Variants in PLXND1 observed in about 807,000 individuals in gnomAD.
PLXND1 encodes plexin-D1.
PLXND1 carries 54 observed loss-of-function variants against 197.7 expected under a neutral mutation model. The observed-to-expected ratio is 0.27, with a 90% CI of 0.22 to 0.34. PLXND1 has a LOEUF of 0.34. PLXND1 is among the 10% of genes least tolerant of loss of function. The pLI is 1.00. For missense variants in PLXND1, 2,127 were observed against 2,699.2 expected (o/e 0.79, Z 4.70); for synonymous variants, 1,180 against 1,161.2 (o/e 1.02, Z -0.33).
At chr3:129,599,634 CAACTAG>C (rs1484481489) in intron 1 of PLXND1, among the ~76,000 whole-genome samples, 1 of 152,238 alleles carries the variant, frequency 6.6e-6, no homozygotes, top group African/African-American at 2.4e-5. Context: ...CAGACAAATG[CAACTAG>C]AAGTTCCTTG....
At chr3:129,573,884 G>A (rs2085273328) in intron 12 of PLXND1, 139 bp from the exon 13 acceptor site, 2 of 956,980 alleles carry the variant, frequency 2.1e-6, no homozygotes, top group Non-Finnish European at 3.1e-6. Flanking sequence ...CTCAGGTGGG[G>A]CTGGGACTGT....
chr3:129,558,680 T>C lies in PLXND1; in HGVS notation c.5298-105A>G. ...GGCTTTGTCCCTCAAGGGCCTGAGG[T>C]TGGAGCCTTGTCACAAGATGTGACC... On this transcript the variant is annotated intron_variant, in intron 32 of 35. Transcript: ENST00000324093. This position sits in a 1 kb window ranked among gnomAD's most constrained non-coding sequence, Gnocchi z 4.1. 1 of 1,127,304 alleles carries C rather than the reference T, an allele frequency of 8.9e-7. No individual in the cohort carries two copies. The highest frequency in any genetic ancestry group is 1.5e-5 in the African/African-American group (1 of 64,992). The allele number at this position is 1,127,304 out of a possible 1,614,324, so 69.8% of individuals were successfully genotyped here.
In PLXND1 at chr3:129,566,611, C is replaced by T. The variant is rs2085145020; in HGVS notation, c.4107G>A (p.Glu1369=). ...FFPKCSSLYE[E]RYVLPSQTLN... ...GGGTCTGGGAGGGCAGCACGTAACGCTCTTCATAAAGGGAGGAACACTGCA... is the reference window on the plus strand; with the variant it reads ...GGGTCTGGGAGGGCAGCACGTAACGTTCTTCATAAAGGGAGGAACACTGCA... The change falls in exon 23 of 36, where the codon GAG becomes GAA. Residue 1369 remains glutamate (E), a synonymous_variant. Transcript: ENST00000324093. The T allele has an allele frequency of 6.2e-7, 1 of 1,608,826 alleles. No individual in the cohort carries two copies.
Position 129,558,563 on chromosome 3 carries a change from C to T in PLXND1, c.5310G>A (p.Arg1770=), listed in dbSNP as rs779360644. 12 of 1,613,792 alleles carry T rather than the reference C, an allele frequency of 7.4e-6. No individual in the cohort carries two copies. Among genetic ancestry groups the T allele is most frequent in the South Asian group, 5.5e-5 (5 of 91,078 alleles). ...GGTTCTTCAGGATGTTCACCCAGAA[C>T]CGGAGAGGAAGGCTGTGGGGTAGGG... ...HIWKTNSLPL[R]FWVNILKNPQ... Residue 1770 remains arginine (R), a synonymous_variant, in exon 33 of 36, where the codon CGG becomes CGA. Coordinates refer to ENST00000324093, the MANE Select transcript of PLXND1 (RefSeq NM_015103.3). The surrounding 1 kb of genome is among the most constrained non-coding windows in gnomAD (Gnocchi z 4.1).
At position 129,606,359 on chromosome 3, in the gene PLXND1, G is replaced by A. The variant is rs1269362763; in HGVS notation, c.281C>T (p.Ala94Val). 4 of 1,472,908 alleles carry A rather than the reference G, an allele frequency of 2.7e-6. No individual in the cohort carries two copies. The highest frequency in any genetic ancestry group is 5.4e-5 in the East Asian group (2 of 37,172). The allele number at this position is 1,472,908 out of a possible 1,614,324, so 91.2% of individuals were successfully genotyped here. The change falls in exon 1 of 36, where the codon GCC becomes GTC. Residue 94 changes from alanine to valine, a missense_variant. Ala to Val is a moderately conservative substitution (Grantham distance 64). This residue lies in a region of PLXND1 where 245 missense variants were observed against 267.1 expected (regional missense o/e 0.92). Transcript: ENST00000324093. The stretch of plus-strand genomic sequence containing the variant: ...CGGGCTGTCGGGCACCGGGCCCACG[G>A]CCGCCTCGGCCTCCAGGCTCAGGTT... ...GANLSLEAEA[A>V]VGPVPDSPLC... is the part of the protein sequence containing the mutation.
rs977647302 is a variant in PLXND1, at chr3:129,558,410, G to A, written c.5445+18C>T. On this transcript the variant is annotated intron_variant, in intron 33 of 35. Transcript: ENST00000324093. This position sits in a 1 kb window ranked among gnomAD's most constrained non-coding sequence, Gnocchi z 4.1. The stretch of plus-strand genomic sequence containing the variant: ...TGGCCCTGTGCATGGGCCTGGCCTG[G>A]TCCTGGGAACAGCTGACCTTGCCCA... The A allele has an allele frequency of 6.2e-7, 1 of 1,611,586 alleles. No homozygotes were observed. Among genetic ancestry groups the A allele is most frequent in the Non-Finnish European group, 8.5e-7 (1 of 1,179,190 alleles).
At position 129,558,564 on chromosome 3, in the gene PLXND1, C is replaced by T; in HGVS notation, c.5309G>A (p.Arg1770Gln). 1.2e-6 allele frequency: 2 copies of T among 1,613,850 alleles called. No individual in the cohort carries two copies. The highest frequency in any genetic ancestry group is 1.7e-6 in the Non-Finnish European group (2 of 1,179,928). ...HIWKTNSLPL[R>Q]FWVNILKNPQ... The stretch of plus-strand genomic sequence containing the variant: ...GTTCTTCAGGATGTTCACCCAGAAC[C>T]GGAGAGGAAGGCTGTGGGGTAGGGT... Residue 1770 changes from arginine (R) to glutamine (Q), a missense_variant, in exon 33 of 36, where the codon CGG (arginine) becomes CAG (glutamine). Arg to Gln is a conservative substitution (Grantham distance 43, BLOSUM62 1). Coordinates refer to ENST00000324093, the MANE Select transcript of PLXND1 (RefSeq NM_015103.3). The surrounding 1 kb of genome is among the most constrained non-coding windows in gnomAD (Gnocchi z 4.1).
intron 1 of PLXND1, among the ~76,000 whole-genome samples, chr3:129,598,390 G>C (rs2085658389): frequency 6.6e-6 from 1 of 152,040 alleles, no homozygotes; most frequent in Non-Finnish European, 1.5e-5. Flanking sequence ...GTCTCTCTTG[G>C]GGGCTGTCCT....
chr3:129,586,864 G>A (rs2085469463), intron 2 of PLXND1, 145 bp from the exon 3 acceptor site: 10 of 920,130 alleles, frequency 1.1e-5, no homozygotes, highest in South Asian at 1.6e-5. Flanking sequence ...CGGGCGTGCA[G>A]GGGAGGGCAC....
At chr3:129,556,748 C>T (rs1401074955) in intron 34 of PLXND1, 57 bp from the exon 35 acceptor site, 1 of 1,258,472 alleles carries the variant, frequency 7.9e-7, no homozygotes, top group Non-Finnish European at 1.2e-6. Context: ...TGAGCCTAGT[C>T]CCAGCAAAGC....
chr3:129,567,572 G>C lies in PLXND1; in HGVS notation c.4006C>G (p.Leu1336Val), dbSNP rs760872411. 2 of 1,611,840 alleles carry C rather than the reference G, an allele frequency of 1.2e-6. No homozygotes were observed. The highest frequency in any genetic ancestry group is 1.1e-5 in the South Asian group (1 of 90,678). The change falls in exon 22 of 36, where the codon CTC becomes GTC. Residue 1336 changes from leucine (L) to valine (V), a missense_variant. Leu to Val is a conservative substitution (Grantham distance 32, BLOSUM62 1). Transcript: ENST00000324093. ...TGGCTGCGGTTCAGCTCCTTGGTGA[G>C]ATCTGTCATGTCTGTCTGCAGCTCA... Reference protein sequence around the residue: ...FAELQTDMTDLTKELNRSQGI... With the variant: ...FAELQTDMTDVTKELNRSQGI...
chr3:129,596,490 AG>A (rs1355810540), intron 1 of PLXND1, among the ~76,000 whole-genome samples: 1 of 151,896 alleles, frequency 6.6e-6, no homozygotes, highest in Non-Finnish European at 1.5e-5. Flanking sequence ...GTCCCAGAGG[AG>A]CACAGTGTGG....
rs765540434 is a variant in PLXND1, at chr3:129,586,682, C to T, written c.1526G>A (p.Arg509Gln). The T allele has an allele frequency of 1.8e-5, 29 of 1,594,492 alleles. No individual in the cohort carries two copies. In the South Asian group the frequency reaches 2.1e-4, roughly 11 times the overall value. ...CTCCCCATAGGCCACAGTCACCACC[C>T]GCCTGCTCACCACCTGCATGCTCTC... ...LNESMQVVSR[R>Q]VVTVAYGEPV... Residue 509 changes from arginine (R) to glutamine (Q), a missense_variant, in exon 3 of 36, where the codon CGG becomes CAG. Arg to Gln is a conservative substitution (Grantham distance 43). This residue lies in a region of PLXND1 where 1,095 missense variants were observed against 1,259.8 expected (regional missense o/e 0.87). Transcript: ENST00000324093.
At chr3:129,565,738 G>T in intron 24 of PLXND1, 149 bp downstream of exon 24, 1 of 933,304 alleles carries the variant, frequency 1.1e-6, no homozygotes, top group Non-Finnish European at 1.6e-6. Flanking sequence ...ATCGTGCCCC[G>T]TGAGCCAAGG....
At chr3:129,569,463 T>C (rs576101776) in intron 20 of PLXND1, 98 of 201,710 alleles carry the variant, frequency 4.9e-4, no homozygotes, top group African/African-American at 2.1e-3. Context: ...TCGAGTCTAT[T>C]ACTTTATTGA....
At position 129,555,494 on chromosome 3, in the gene PLXND1, G is replaced by T. The variant is rs1252269662; in HGVS notation, c.*818C>A. 1.5e-6 allele frequency: 1 copy of T among 679,568 alleles called. No homozygotes were observed. The highest frequency in any genetic ancestry group is 1.8e-5 in the African/African-American group (1 of 55,274). 42.1% of individuals were successfully genotyped at this position (679,568 alleles called of 1,614,324 possible). On this transcript the variant is annotated 3_prime_UTR_variant, in exon 36 of 36. Transcript: ENST00000324093. ...ACCCCTCCCCGGGTCCTCTGCGCAA[G>T]CGGCAGCTATTCACAGTTGGTGCAT...
rs369952557 is a variant in PLXND1 at position 129,556,624 on chromosome 3, C to T, written c.5654G>A (p.Arg1885Gln). 2.9e-5 allele frequency: 46 copies of T among 1,611,966 alleles called. No homozygotes were observed. Among genetic ancestry groups the T allele is most frequent in the South Asian group, 1.4e-4 (13 of 90,810 alleles). The change falls in exon 35 of 36, where the codon CGG becomes CAG. Residue 1885 changes from arginine to glutamine, a missense_variant. Around this residue, in one of 6 missense-constraint regions of PLXND1, gnomAD observed 200 missense variants for 303.3 expected, o/e 0.66. Coordinates refer to ENST00000324093, the MANE Select transcript of PLXND1 (RefSeq NM_015103.3). ...TCACCCTGGGGCACTCACCTGCGGC[C>T]GATACCTCTTGGCGTACTTATAAAT... ...AEIYKYAKRY[R>Q]PQIMAALEAN...
Position 129,578,199 on chromosome 3 carries a change from CCACACAGGTGCGAAAGCACTG to C in PLXND1, c.2346+109_2346+129del. The C allele has an allele frequency of 4.3e-6, 3 of 694,126 alleles. No individual in the cohort carries two copies. The East Asian group carries it at 8.1e-5, about 19-fold the overall frequency. The allele number at this position is 694,126 out of a possible 1,614,324, so 43.0% of individuals were successfully genotyped here. On this transcript the variant is annotated intron_variant, in intron 9 of 35. Coordinates refer to ENST00000324093, the MANE Select transcript of PLXND1 (RefSeq NM_015103.3). The stretch of plus-strand genomic sequence containing the variant: ...AAACTCAGAGAAAGAAAAGCAAAGC[CCACACAGGTGCGAAAGCACTG>C]CAGTGGGCCCAGAGCAGGGGTCACA...
Position 129,605,447 on chromosome 3 carries a change from G to A in PLXND1, c.1193C>T (p.Ala398Val). Residue 398 changes from alanine (A) to valine (V), a missense_variant, in exon 1 of 36, where the codon GCC becomes GTC. Physicochemically the swap from Ala to Val is moderately conservative, Grantham distance 64. Around this residue, in one of 6 missense-constraint regions of PLXND1, gnomAD observed 1,095 missense variants for 1,259.8 expected, o/e 0.87. Coordinates refer to ENST00000324093, the MANE Select transcript of PLXND1 (RefSeq NM_015103.3). ...LCAFRFADVR[A>V]AIRAARTACF... ...GGCGGTGCGCGCAGCTCGGATGGCG[G>A]CTCGCACGTCGGCGAAGCGGAAGGC... is the stretch of plus-strand genomic sequence containing the variant. The A allele has an allele frequency of 1.3e-6, 2 of 1,502,362 alleles. No homozygotes were observed. Among genetic ancestry groups the A allele is most frequent in the Non-Finnish European group, 1.8e-6 (2 of 1,133,242 alleles). 93.1% of individuals were successfully genotyped at this position (1,502,362 alleles called of 1,614,324 possible).
Sources: allele counts gnomAD v4.1 joint callset (sites outside exome capture counted in the v4.1 genomes callset), GRCh38; gene constraint gnomAD v4.1.1; regional missense constraint gnomAD v4.1.1; non-coding constraint Gnocchi (gnomAD v3.1); transcripts MANE v1.5; gene names NCBI Gene and HGNC (gene_info 2026-07-23, HGNC 2026-07-21).